Variants in PDZD2 observed in about 807,000 individuals in gnomAD.
The protein encoded by PDZD2 is PDZ domain containing 2, also known as PDZ domain-containing protein 2.
A neutral mutation model predicts 220.7 loss-of-function variants in PDZD2; 90 were observed. The ratio of observed to expected loss-of-function variants is 0.41; its 90% confidence interval spans 0.34 to 0.49. The LOEUF is 0.49. PDZD2 is among the 20% of genes least tolerant of loss of function. PDZD2 has a pLI of 0.28. For missense variants in PDZD2, 3,174 were observed against 3,608.5 expected, an observed-to-expected ratio of 0.88 and a Z score of 3.08; for synonymous variants, 1,375 against 1,450.5, an observed-to-expected ratio of 0.95 and a Z score of 1.18.
chr5:31,919,112 G>A (rs1370380151), intron 2 of PDZD2, among the ~76,000 whole-genome samples: 2 of 152,220 alleles, frequency 1.3e-5, no homozygotes, highest in African/African-American at 4.8e-5. Flanking sequence ...GAAGAAACTG[G>A]TGGAGGAGTG....
chr5:32,060,741 T>G (rs547740734), intron 13 of PDZD2, among the ~76,000 whole-genome samples: 7 of 152,220 alleles, frequency 4.6e-5, no homozygotes, highest in Non-Finnish European at 1.0e-4. Flanking sequence ...GTTTCATCAT[T>G]GTCCTTATTA....
chr5:31,652,501 A>G (rs759296735), intron 1 of PDZD2, among the ~76,000 whole-genome samples: 7 of 152,194 alleles, frequency 4.6e-5, no homozygotes, highest in Admixed American at 2.0e-4. Flanking sequence ...CCGAGTGCTT[A>G]TACTTTGTCC....
intron 14 of PDZD2, among the ~76,000 whole-genome samples, chr5:32,068,142 CA>C (rs34069559): frequency 0.26 from 38,048 of 145,732 alleles, 5,813 homozygotes; most frequent in African/African-American, 0.45. Flanking sequence ...CTTTTTCTGC[CA>C]AAAAAAAAAA....
intron 2 of PDZD2, among the ~76,000 whole-genome samples, chr5:31,842,529 G>T (rs545309754): frequency 6.6e-6 from 1 of 152,360 alleles, no homozygotes; most frequent in South Asian, 2.1e-4. Flanking sequence ...AATCTGGCTG[G>T]TTCCTAATAG....
rs1742209508 is a variant in PDZD2, at chr5:32,083,956, G to T, written c.3683-3175G>T. On this transcript the variant is annotated intron_variant, in intron 19 of 24. Coordinates refer to ENST00000438447, the MANE Select transcript of PDZD2 (RefSeq NM_178140.4). The surrounding 1 kb of genome is among the most constrained non-coding windows in gnomAD (Gnocchi z 4.1). ...GCATCCCAAAGTGCTGGGATTACAG[G>T]CATGAGCCACCGCCCACGGCCTGAA... 6.6e-6 allele frequency among the ~76,000 whole-genome samples: 1 copy of T among 152,164 alleles called. No individual in the cohort carries two copies. The highest frequency in any genetic ancestry group is 1.5e-5 in the Non-Finnish European group (1 of 68,032).
At chr5:31,893,788 A>G (rs1466922937) in intron 2 of PDZD2, among the ~76,000 whole-genome samples, 1 of 152,190 alleles carries the variant, frequency 6.6e-6, no homozygotes, top group Admixed American at 6.5e-5. Context: ...ACAGTTACTA[A>G]AAATTTCAGA....
At chr5:31,843,679 T>G (rs1757443311) in intron 2 of PDZD2, 1 of 152,104 alleles carries the variant, frequency 6.6e-6, no homozygotes, top group Non-Finnish European at 1.5e-5. Context: ...CCCACACTGC[T>G]CCATGTGTAA....
At chr5:31,935,228 C>T (rs1745621389) in intron 2 of PDZD2, among the ~76,000 whole-genome samples, 1 of 152,124 alleles carries the variant, frequency 6.6e-6, no homozygotes, top group Non-Finnish European at 1.5e-5. Flanking sequence ...ATTTAAGTTG[C>T]ACATGTACAT....
Position 31,726,235 on chromosome 5 carries a change from T to A in PDZD2, c.-360-72654T>A, listed in dbSNP as rs989362504. 4.6e-5 allele frequency among the ~76,000 whole-genome samples: 7 copies of A among 152,156 alleles called. 1 individual carries two copies. The highest frequency in any genetic ancestry group is 3.9e-4 in the Admixed American group (6 of 15,276). On this transcript the variant is annotated intron_variant, in intron 1 of 24. Coordinates refer to ENST00000438447, the MANE Select transcript of PDZD2 (RefSeq NM_178140.4). ...TTTTTATGCGTACAGTAGTAGTATA[T>A]TACCCAGCATGGGCCGGGCGCGGTG... is the stretch of plus-strand genomic sequence containing the variant.
intron 2 of PDZD2, among the ~76,000 whole-genome samples, chr5:31,856,377 G>C (rs1228482493): frequency 1.3e-5 from 2 of 152,086 alleles, no homozygotes; most frequent in African/African-American, 4.8e-5. Context: ...GCCTGTGTCA[G>C]GTCTTAAGGA....
chr5:31,729,828 T>G (rs1749416313), intron 1 of PDZD2, among the ~76,000 whole-genome samples: 1 of 152,020 alleles, frequency 6.6e-6, no homozygotes, highest in Admixed American at 6.5e-5. Flanking sequence ...TTTGTTTTGT[T>G]TTGTTTTGTT....
chr5:31,833,635 C>CA (rs75394129), intron 2 of PDZD2, among the ~76,000 whole-genome samples: 2,770 of 126,292 alleles, frequency 0.022, 119 homozygotes, highest in African/African-American at 0.072. Context: ...GACCCTGTCT[C>CA]AAAAAAAAAA....
chr5:31,799,337 C>G lies in PDZD2; in HGVS notation c.89C>G (p.Pro30Arg), dbSNP rs200755574. 2.6e-4 allele frequency: 415 copies of G among 1,614,140 alleles called. 1 individual carries two copies. In the East Asian group the frequency reaches 8.6e-3, roughly 34 times the overall value. ...QNSLQEGGDG[P>R]EQRLCQAAIQ... Reference sequence around the variant, plus strand: ...AGCCTGCAGGAAGGTGGGGATGGGCCGGAGCAGCGGCTCTGCCAGGCGGCC... The same window carrying G: ...AGCCTGCAGGAAGGTGGGGATGGGCGGGAGCAGCGGCTCTGCCAGGCGGCC... Residue 30 changes from proline (P) to arginine (R), a missense_variant, in exon 2 of 25, where the codon CCG becomes CGG. Pro to Arg is a moderately radical substitution (Grantham distance 103, BLOSUM62 -2). Around this residue, in one of 4 missense-constraint regions of PDZD2, gnomAD observed 632 missense variants for 708.1 expected, o/e 0.89. Transcript: ENST00000438447.
chr5:32,028,678 T>TG (rs1292387301), intron 6 of PDZD2, among the ~76,000 whole-genome samples: 13 of 136,244 alleles, frequency 9.5e-5, no homozygotes, highest in African/African-American at 2.7e-4. Flanking sequence ...TTTTTTTGTT[T>TG]TTTTTGTTTT....
intron 2 of PDZD2, among the ~76,000 whole-genome samples, chr5:31,811,850 C>T (rs1171733589): frequency 2.6e-5 from 4 of 151,790 alleles, no homozygotes; most frequent in Admixed American, 1.3e-4. Context: ...TTTAGCCAGG[C>T]GTGGTGGTGC....
chr5:31,712,738 G>A (rs923516481), intron 1 of PDZD2, among the ~76,000 whole-genome samples: 4 of 152,204 alleles, frequency 2.6e-5, no homozygotes, highest in Non-Finnish European at 5.9e-5. Flanking sequence ...CCTCTCAACA[G>A]GGAAGTGACG....
chr5:31,962,096 C>A (rs1056631564), intron 2 of PDZD2, among the ~76,000 whole-genome samples: 6 of 152,160 alleles, frequency 3.9e-5, no homozygotes. Context: ...TAGACTTAGC[C>A]ACACATTTGT....
chr5:32,105,145 ATC>A (rs1744644394), intron 24 of PDZD2, among the ~76,000 whole-genome samples: 1 of 142,830 alleles, frequency 7.0e-6, no homozygotes, highest in Admixed American at 6.7e-5. Context: ...AAAAAAAACA[ATC>A]AATCAATCAA....
chr5:32,001,561 TCTCCACGGGTC>T (rs1752107090), intron 5 of PDZD2, among the ~76,000 whole-genome samples: 1 of 152,138 alleles, frequency 6.6e-6, no homozygotes, highest in South Asian at 2.1e-4. Context: ...TGCCGCCTCT[TCTCCACGGGTC>T]CTCCACAGGT....
Sources: gnomAD v4.1 joint callset for allele counts (sites outside exome capture counted in the v4.1 genomes callset) on GRCh38, gnomAD v4.1.1 for gene constraint, gnomAD v4.1.1 regional missense constraint, Gnocchi (gnomAD v3.1) non-coding constraint, MANE v1.5 for transcripts, NCBI Gene and HGNC (gene_info 2026-07-23, HGNC 2026-07-21) for gene names.